Variants in NUP153 observed in about 807,000 individuals in gnomAD.
The protein encoded by NUP153 is nucleoporin 153.
In NUP153, 27 loss-of-function variants were observed where a neutral mutation model predicts 134.6. The observed-to-expected ratio is 0.20, with a 90% confidence interval of 0.15 to 0.28. The LOEUF (loss-of-function observed/expected upper bound fraction) is 0.28, where lower values mean the gene tolerates loss of function less well. Among genes scored for constraint, NUP153 ranks in the 10% least tolerant of loss-of-function variants. The pLI, the probability that NUP153 is intolerant of heterozygous loss-of-function variation, is 1.00. For synonymous variants in NUP153, 640 were observed against 623.5 expected, an observed-to-expected ratio of 1.03 and a Z score of -0.40; for missense variants, 1,821 against 1,731.3, an observed-to-expected ratio of 1.05 and a Z score of -0.92.
At chr6:17,676,437 G>GAATA (rs10622445) in intron 2 of NUP153, among the ~76,000 whole-genome samples, 149,871 of 152,166 alleles carry the variant, frequency 0.98, 73,835 homozygotes, top group Middle Eastern at 1. Context: ...TTATGCTTTA[G>GAATA]AATTTAATGC....
intron 11 of NUP153, among the ~76,000 whole-genome samples, chr6:17,650,457 G>A (rs1422091270): frequency 6.6e-6 from 1 of 152,140 alleles, no homozygotes; most frequent in Non-Finnish European, 1.5e-5. Flanking sequence ...AGCTGCCAAA[G>A]AAAACTAAAA....
intron 1 of NUP153, among the ~76,000 whole-genome samples, chr6:17,701,789 T>C (rs1770098548): frequency 7.9e-6 from 1 of 126,202 alleles, no homozygotes; most frequent in Non-Finnish European, 1.6e-5. Flanking sequence ...GCCAAGATTG[T>C]GCCACTGCAC....
In NUP153 at chr6:17,675,775, A is replaced by G; in HGVS notation, c.335-5T>C. The G allele has an allele frequency of 6.2e-7, 1 of 1,612,180 alleles. No homozygotes were observed. Among genetic ancestry groups the G allele is most frequent in the Non-Finnish European group, 8.5e-7 (1 of 1,178,244 alleles). ...CAGTACTAGTTGTTGAAGGTTCTTA[A>G]AAGAAAAGCATTAATATTATGAATA... On this transcript the variant is annotated splice_polypyrimidine_tract_variant and splice_region_variant and intron_variant, in intron 2 of 21. Transcript: ENST00000262077. The surrounding 1 kb of genome is among the most constrained non-coding windows in gnomAD (Gnocchi z 4.4).
rs545957765 is a variant in NUP153 at position 17,625,825 on chromosome 6, G to A, written c.3884C>T (p.Thr1295Ile). 10 of 1,613,602 alleles carry A rather than the reference G, an allele frequency of 6.2e-6. No individual in the cohort carries two copies. Among genetic ancestry groups the A allele is most frequent in the South Asian group, 4.4e-5 (4 of 91,074 alleles). The change falls in exon 19 of 22, where the codon ACC (threonine) becomes ATC (isoleucine). Residue 1295 changes from threonine to isoleucine, a missense_variant. Physicochemically the swap from Thr to Ile is moderately conservative, Grantham distance 89. Coordinates refer to ENST00000262077, the MANE Select transcript of NUP153 (RefSeq NM_005124.4). This position sits in a 1 kb window ranked among gnomAD's most constrained non-coding sequence, Gnocchi z 4.7. Reference sequence around the variant, plus strand: ...AAATGTACCTGCAGAGCTAGATGTGGTTGTGGCTCCAAAGCCGAAACCAGA... The same window carrying A: ...AAATGTACCTGCAGAGCTAGATGTGATTGTGGCTCCAAAGCCGAAACCAGA... ...TTSGFGFGAT[T>I]TSSSAGSSFV...
chr6:17,693,625 G>A (rs1769428352), intron 1 of NUP153, among the ~76,000 whole-genome samples: 2 of 152,104 alleles, frequency 1.3e-5, no homozygotes, highest in Non-Finnish European at 2.9e-5. Context: ...AGTGGCTCAC[G>A]CCTGTAATCC....
intron 13 of NUP153, among the ~76,000 whole-genome samples, chr6:17,647,152 A>G (rs1465830933): frequency 1.3e-5 from 2 of 152,214 alleles, no homozygotes; most frequent in Non-Finnish European, 2.9e-5. Context: ...TGTAACATCT[A>G]CTTGTGTCAG....
In NUP153 at chr6:17,616,043, C is replaced by T. The variant is rs1764296633; in HGVS notation, c.*54G>A. 1.6e-6 allele frequency: 2 copies of T among 1,258,554 alleles called. No individual in the cohort carries two copies. The highest frequency in any genetic ancestry group is 2.4e-5 in the South Asian group (2 of 83,674). 78.0% of individuals were successfully genotyped at this position (1,258,554 alleles called of 1,614,324 possible). ...CCCAGCACAAAGTACAATCCAGTATCTGAAAGCAGGGCACCAGCTGTTGTT... is the reference window on the plus strand; with the variant it reads ...CCCAGCACAAAGTACAATCCAGTATTTGAAAGCAGGGCACCAGCTGTTGTT... On this transcript the variant is annotated 3_prime_UTR_variant, in exon 22 of 22. Transcript: ENST00000262077.
intron 1 of NUP153, among the ~76,000 whole-genome samples, chr6:17,695,320 T>C (rs549558726): frequency 2.9e-4 from 44 of 152,326 alleles, no homozygotes; most frequent in African/African-American, 1.0e-3. Flanking sequence ...AAATTTATTT[T>C]AATAAGCTCT....
At chr6:17,642,524 T>C (rs1765889402) in intron 14 of NUP153, among the ~76,000 whole-genome samples, 1 of 152,288 alleles carries the variant, frequency 6.6e-6, no homozygotes, top group South Asian at 2.1e-4. Flanking sequence ...TTACATCCAC[T>C]AGGATTGCTA....
chr6:17,639,368 C>T (rs556442562), intron 15 of NUP153, among the ~76,000 whole-genome samples: 7 of 152,052 alleles, frequency 4.6e-5, no homozygotes, highest in Admixed American at 6.5e-5. Context: ...GGTGAGCCAC[C>T]GCGCCTGGCA....
intron 5 of NUP153, among the ~76,000 whole-genome samples, chr6:17,671,347 C>G (rs1237741873): frequency 6.6e-6 from 1 of 152,030 alleles, no homozygotes; most frequent in Non-Finnish European, 1.5e-5. Context: ...TCCCTACTCT[C>G]CTACTATACA....
intron 2 of NUP153, among the ~76,000 whole-genome samples, chr6:17,679,129 G>A (rs1053974308): frequency 3.9e-5 from 6 of 152,166 alleles, no homozygotes; most frequent in Non-Finnish European, 7.4e-5. Flanking sequence ...GTTTGCAGAT[G>A]ATATAATCTT....
intron 8 of NUP153, 119 bp from the exon 9 acceptor site, chr6:17,665,504 A>G: frequency 1.4e-6 from 1 of 724,368 alleles, no homozygotes; most frequent in Non-Finnish European, 2.2e-6. Flanking sequence ...AGAAATATAC[A>G]GTAGATACAA....
chr6:17,631,834 G>A (rs1445180875), intron 17 of NUP153, among the ~76,000 whole-genome samples: 1 of 152,166 alleles, frequency 6.6e-6, no homozygotes, highest in Non-Finnish European at 1.5e-5. Flanking sequence ...AGGCGTGGTG[G>A]CAGGTTCCTG....
chr6:17,629,723 T>C (rs1192528326), intron 17 of NUP153, among the ~76,000 whole-genome samples, 184 bp from the exon 18 acceptor site: 4 of 152,190 alleles, frequency 2.6e-5, no homozygotes, highest in Non-Finnish European at 4.4e-5. Context: ...GAGAATGATA[T>C]CTCAATCCTC....
rs1041967308 is a variant in NUP153 at position 17,706,697 on chromosome 6, G to A, written c.-310C>T. 1 of 420,648 alleles carries A rather than the reference G, an allele frequency of 2.4e-6. No homozygotes were observed. Among genetic ancestry groups the A allele is most frequent in the Non-Finnish European group, 4.3e-6 (1 of 233,172 alleles). The allele number at this position is 420,648 out of a possible 1,614,324, so 26.1% of individuals were successfully genotyped here. A position where few individuals can be genotyped will look rare whatever the true frequency, so the allele number is the denominator to read the frequency against. On this transcript the variant is annotated 5_prime_UTR_variant, in exon 1 of 22. Transcript: ENST00000262077. The surrounding 1 kb of genome is among the most constrained non-coding windows in gnomAD (Gnocchi z 5.9). The stretch of plus-strand genomic sequence containing the variant: ...GGAGATCTCCCGCAGAGGACAGCAC[G>A]AACAGTTCCCCGCGGTGCTGAGGCC...
At chr6:17,645,032 C>G (rs917317665) in intron 14 of NUP153, among the ~76,000 whole-genome samples, 5 of 151,912 alleles carry the variant, frequency 3.3e-5, no homozygotes, top group Non-Finnish European at 7.4e-5. Flanking sequence ...TTGCAGTGAG[C>G]CAAGATTACG....
At chr6:17,619,381 A>G (rs1764523323) in intron 20 of NUP153, among the ~76,000 whole-genome samples, 2 of 152,196 alleles carry the variant, frequency 1.3e-5, no homozygotes, top group South Asian at 2.1e-4. Flanking sequence ...CAGGAAAGAC[A>G]TGACACCCAG....
At chr6:17,693,840 C>T (rs1328158936) in intron 1 of NUP153, among the ~76,000 whole-genome samples, 2 of 152,152 alleles carry the variant, frequency 1.3e-5, no homozygotes, top group African/African-American at 2.4e-5. Flanking sequence ...GAGCTGAGAT[C>T]GTGCCACTGC....
Sources: gnomAD v4.1 joint callset for allele counts (sites outside exome capture counted in the v4.1 genomes callset) on GRCh38, gnomAD v4.1.1 for gene constraint, Gnocchi (gnomAD v3.1) non-coding constraint, MANE v1.5 for transcripts, NCBI Gene and HGNC (gene_info 2026-07-23, HGNC 2026-07-21) for gene names.